CELF2: variants seen among roughly 807,000 people sequenced by gnomAD.
CELF2 encodes CUGBP Elav-like family member 2.
In CELF2, 8 loss-of-function variants were observed where a neutral mutation model predicts 62.6. That is an observed-to-expected ratio of 0.13 (90% CI 0.07 to 0.23). The LOEUF (loss-of-function observed/expected upper bound fraction) is 0.23, where lower values mean the gene tolerates loss of function less well. Ranked by LOEUF, CELF2 falls within the 10% of genes least tolerant of loss-of-function variation. CELF2 has a pLI of 1.00. For synonymous variants in CELF2, 258 were observed against 250.0 expected, an observed-to-expected ratio of 1.03 and a Z score of -0.30; for missense variants, 333 against 671.0, an observed-to-expected ratio of 0.50 and a Z score of 5.56.
chr10:10,923,816 G>A (rs1163325462), intron 2 of CELF2: 4 of 152,234 alleles, frequency 2.6e-5, no homozygotes, highest in Admixed American at 2.0e-4. Context: ...GAAACGGGAT[G>A]TATGGAACCA....
chr10:11,059,086 T>C (rs760400891), intron 1 of CELF2, among the ~76,000 whole-genome samples: 1 of 152,234 alleles, frequency 6.6e-6, no homozygotes, highest in Non-Finnish European at 1.5e-5. Flanking sequence ...TCTGTCCTTC[T>C]ATTTTATGTA....
chr10:10,509,545 A>G, the CELF2 span, among the ~76,000 whole-genome samples: 1 of 152,274 alleles, frequency 6.6e-6, no homozygotes, highest in South Asian at 2.1e-4. Context: ...CAGAACTATG[A>G]GATTTAATTT....
intron 4 of CELF2, among the ~76,000 whole-genome samples, chr10:11,251,400 C>T (rs2077117452): frequency 6.8e-6 from 1 of 147,288 alleles, no homozygotes. Flanking sequence ...GTCCAGTGTC[C>T]ACTGTGGTCC....
intron 1 of CELF2, among the ~76,000 whole-genome samples, chr10:11,026,332 G>A (rs2059199676): frequency 1.3e-5 from 2 of 152,174 alleles, no homozygotes; most frequent in Admixed American, 1.3e-4. Flanking sequence ...TCACAAGCCC[G>A]GAAGTGGGTA....
rs2049029143 is a variant in CELF2 at position 10,957,490 on chromosome 10, T to C, written c.89+37491T>C. ...CCTACTGGAATTAACCAGGATCTAC[T>C]TTAAACAACCGTCAGACCACCAGGC... is the stretch of plus-strand genomic sequence containing the variant. On this transcript the variant is annotated intron_variant, in intron 2 of 13. Transcript: ENST00000636488. This position sits in a 1 kb window ranked among gnomAD's most constrained non-coding sequence, Gnocchi z 4.1. Among the ~76,000 whole-genome samples the C allele has an allele frequency of 6.6e-6, 1 of 152,214 alleles. No homozygotes were observed. The highest frequency in any genetic ancestry group is 2.1e-4 in the South Asian group (1 of 4,828).
At chr10:10,832,983 T>C (rs551159047) in intron 1 of CELF2, among the ~76,000 whole-genome samples, 1 of 151,450 alleles carries the variant, frequency 6.6e-6, no homozygotes, top group Admixed American at 6.6e-5. Flanking sequence ...ATTTTTGAAG[T>C]TTTTGAGCCT....
chr10:10,848,284 A>C (rs1264751281), intron 1 of CELF2, among the ~76,000 whole-genome samples: 1 of 152,164 alleles, frequency 6.6e-6, no homozygotes, highest in Non-Finnish European at 1.5e-5. Context: ...TAGGGAGTAG[A>C]GCTATTTTAC....
At chr10:10,645,140 G>T in the CELF2 span, among the ~76,000 whole-genome samples, 2 of 152,134 alleles carry the variant, frequency 1.3e-5, no homozygotes, top group Admixed American at 1.3e-4. Flanking sequence ...TGCTTATTCA[G>T]GGGGGATGAG....
chr10:11,058,461 GT>G (rs67113152), intron 1 of CELF2, among the ~76,000 whole-genome samples: 31,177 of 117,280 alleles, frequency 0.27, 3,732 homozygotes, highest in Middle Eastern at 0.41. Flanking sequence ...TTTTTTGTTG[GT>G]TTTTTTTTTT....
chr10:10,882,042 G>A (rs1393702868), intron 1 of CELF2, among the ~76,000 whole-genome samples: 2 of 152,196 alleles, frequency 1.3e-5, no homozygotes, highest in African/African-American at 2.4e-5. Flanking sequence ...ATCTGGCAAA[G>A]CCAGCGGATT....
intron 9 of CELF2, among the ~76,000 whole-genome samples, chr10:11,301,347 C>G (rs904064421): frequency 6.7e-6 from 1 of 150,120 alleles, no homozygotes; most frequent in Admixed American, 6.6e-5. Context: ...CCTATGCGGG[C>G]CCTGCTCCCG....
the CELF2 span, among the ~76,000 whole-genome samples, chr10:10,613,509 G>A: frequency 6.6e-5 from 10 of 152,088 alleles, no homozygotes; most frequent in Admixed American, 1.3e-4. Flanking sequence ...ACATTTCATC[G>A]GGGCTTCTTA....
At chr10:10,779,909 C>A in the CELF2 span, among the ~76,000 whole-genome samples, 7 of 151,408 alleles carry the variant, frequency 4.6e-5, no homozygotes, top group Non-Finnish European at 1.0e-4. Flanking sequence ...TCCCAGAGAC[C>A]TAAAGGCATA....
intron 1 of CELF2, among the ~76,000 whole-genome samples, chr10:10,857,648 A>ATATAT (rs1564727117): frequency 1.8e-4 from 7 of 38,810 alleles, no homozygotes; most frequent in African/African-American, 7.3e-4. Context: ...ACATATATAT[A>ATATAT]GTATATATAT....
In CELF2 at chr10:11,260,097, A is replaced by T. The variant is rs547467591; in HGVS notation, c.538+2225A>T. 6.6e-5 allele frequency among the ~76,000 whole-genome samples: 10 copies of T among 152,294 alleles called. No homozygotes were observed. In the East Asian group the frequency reaches 1.9e-3, roughly 29 times the overall value. ...CACAACTTCTACTGAAATGAAATAG[A>T]ACTTTAGTCATTTTATTTTCTTACC... On this transcript the variant is annotated intron_variant, in intron 5 of 12. Transcript: ENST00000633077. This position sits in a 1 kb window ranked among gnomAD's most constrained non-coding sequence, Gnocchi z 4.2.
chr10:10,929,573 T>A (rs890490223), intron 2 of CELF2: 17 of 152,204 alleles, frequency 1.1e-4, no homozygotes, highest in African/African-American at 4.1e-4. Context: ...CTCCGGCTTG[T>A]GTTAAAAATC....
At chr10:11,236,243 A>T (rs192878288) in intron 3 of CELF2, among the ~76,000 whole-genome samples, 2 of 152,350 alleles carry the variant, frequency 1.3e-5, no homozygotes, top group Non-Finnish European at 2.9e-5. Flanking sequence ...ATAAAATACA[A>T]TCGGCTTAAA....
intron 1 of CELF2, among the ~76,000 whole-genome samples, chr10:11,108,779 C>G (rs1271143977): frequency 3.3e-5 from 5 of 152,210 alleles, no homozygotes; most frequent in African/African-American, 1.2e-4. Context: ...TTACGTTTCT[C>G]TGATTACTGG....
intron 1 of CELF2, among the ~76,000 whole-genome samples, chr10:10,834,111 A>C (rs973364463): frequency 1.3e-5 from 2 of 152,248 alleles, no homozygotes; most frequent in African/African-American, 4.8e-5. Context: ...GTACATATAC[A>C]TCATGGAATA....
Sources: allele counts gnomAD v4.1 joint callset (sites outside exome capture counted in the v4.1 genomes callset), GRCh38; gene constraint gnomAD v4.1.1; non-coding constraint Gnocchi (gnomAD v3.1); transcripts MANE v1.5; gene names NCBI Gene and HGNC (gene_info 2026-07-23, HGNC 2026-07-21).